The following IL1RAPL1 variants were observed in gnomAD, a reference collection of about 807,000 sequenced individuals.
IL1RAPL1 encodes interleukin-1 receptor accessory protein-like 1.
A neutral mutation model predicts 48.4 loss-of-function variants in IL1RAPL1; 3 were observed. The ratio of observed to expected loss-of-function variants is 0.06; its 90% CI spans 0.03 to 0.16. The LOEUF (loss-of-function observed/expected upper bound fraction) is 0.16, where lower values mean the gene tolerates loss of function less well. Ranked by LOEUF, IL1RAPL1 falls within the 10% of genes least tolerant of loss-of-function variation. The pLI, the probability that IL1RAPL1 is intolerant of heterozygous loss-of-function variation, is 1.00. For missense variants in IL1RAPL1, 349 were observed against 530.6 expected, an observed-to-expected ratio of 0.66 and a Z score of 3.36; for synonymous variants, 185 against 187.7, an observed-to-expected ratio of 0.99 and a Z score of 0.12.
intron 3 of IL1RAPL1, among the ~76,000 whole-genome samples, chrX:29,309,713 T>G (rs941240288): frequency 9.2e-6 from 1 of 109,251 alleles, no homozygotes; most frequent in African/African-American, 3.3e-5. Flanking sequence ...CTCGGGAGGC[T>G]TAGGCAGGAG....
intron 3 of IL1RAPL1, among the ~76,000 whole-genome samples, chrX:29,298,798 A>G (rs1932488314): frequency 9.0e-6 from 1 of 111,693 alleles, no homozygotes; most frequent in Non-Finnish European, 1.9e-5. Flanking sequence ...TGTCAGTGTA[A>G]TTGGAATGTT....
At chrX:29,051,013 A>G (rs1927081299) in intron 2 of IL1RAPL1, among the ~76,000 whole-genome samples, 1 of 112,590 alleles carries the variant, frequency 8.9e-6, no homozygotes, top group African/African-American at 3.2e-5. Context: ...AAATAACACC[A>G]TAGAAAAACA....
intron 5 of IL1RAPL1, among the ~76,000 whole-genome samples, chrX:29,632,313 T>A (rs946378635): frequency 2.7e-5 from 3 of 110,066 alleles, no homozygotes; most frequent in Non-Finnish European, 3.8e-5. Flanking sequence ...CACACCCTGC[T>A]AATTTTTTTG....
At chrX:29,285,765 A>G (rs1335510275) in intron 3 of IL1RAPL1, among the ~76,000 whole-genome samples, 2 of 111,274 alleles carry the variant, frequency 1.8e-5, no homozygotes, top group Non-Finnish European at 3.8e-5. Flanking sequence ...AAATATGCCA[A>G]TCAATTTGAA....
At chrX:29,468,063 G>T (rs1221742758) in intron 5 of IL1RAPL1, among the ~76,000 whole-genome samples, 2 of 111,195 alleles carry the variant, frequency 1.8e-5, no homozygotes, top group Admixed American at 9.6e-5. Context: ...GTTTCACTAT[G>T]TTGCCCAGGC....
intron 2 of IL1RAPL1, among the ~76,000 whole-genome samples, chrX:29,244,564 A>C (rs1931475721): frequency 8.9e-6 from 1 of 112,307 alleles, no homozygotes; most frequent in Admixed American, 9.4e-5. Flanking sequence ...CTGGCATAAC[A>C]TTTCAGAAGT....
At chrX:29,560,977 A>G (rs1922175446) in intron 5 of IL1RAPL1, among the ~76,000 whole-genome samples, 1 of 111,517 alleles carries the variant, frequency 9.0e-6, no homozygotes, top group Non-Finnish European at 1.9e-5. Flanking sequence ...ACAAGGAGTC[A>G]CCTCCTCCTT....
chrX:29,580,159 C>T (rs1430032630), intron 5 of IL1RAPL1, among the ~76,000 whole-genome samples: 4 of 103,982 alleles, frequency 3.8e-5, no homozygotes, highest in Admixed American at 1.0e-4. Flanking sequence ...TTCACTTTGA[C>T]GTGCATTACG....
chrX:29,337,558 T>G (rs1165352847), intron 3 of IL1RAPL1, among the ~76,000 whole-genome samples: 6 of 111,883 alleles, frequency 5.4e-5, no homozygotes, highest in Non-Finnish European at 1.1e-4. Context: ...TCAGTTAACT[T>G]CAATGTCCCC....
At chrX:29,400,038 A>G (rs1371673978) in intron 5 of IL1RAPL1, among the ~76,000 whole-genome samples, 1 of 111,732 alleles carries the variant, frequency 8.9e-6, no homozygotes, top group Non-Finnish European at 1.9e-5. Flanking sequence ...CACTCTATCA[A>G]TCTGACATAC....
At chrX:29,085,453 G>A (rs1005428338) in intron 2 of IL1RAPL1, among the ~76,000 whole-genome samples, 1 of 111,361 alleles carries the variant, frequency 9.0e-6, no homozygotes, top group Non-Finnish European at 1.9e-5. Flanking sequence ...ATATATGAAC[G>A]AGTTAATCCT....
intron 2 of IL1RAPL1, among the ~76,000 whole-genome samples, chrX:29,131,698 A>T (rs919254607): frequency 8.9e-4 from 100 of 111,762 alleles, no homozygotes; most frequent in African/African-American, 3.1e-3. Flanking sequence ...TGGTAAAAAT[A>T]CAAAACCCTG....
intron 5 of IL1RAPL1, among the ~76,000 whole-genome samples, chrX:29,530,212 A>C (rs2147777892): frequency 8.9e-6 from 1 of 111,862 alleles, no homozygotes; most frequent in East Asian, 2.8e-4. Flanking sequence ...AGTAACTGGT[A>C]ACCAGAATTC....
At chrX:29,544,348 G>A (rs1260243732) in intron 5 of IL1RAPL1, among the ~76,000 whole-genome samples, 1 of 112,002 alleles carries the variant, frequency 8.9e-6, no homozygotes, top group African/African-American at 3.2e-5. Flanking sequence ...ATTCGTAAAC[G>A]ATCAAAAGTT....
chrX:29,451,292 T>A (rs184911601), intron 5 of IL1RAPL1, among the ~76,000 whole-genome samples: 8 of 109,535 alleles, frequency 7.3e-5, no homozygotes, highest in African/African-American at 2.7e-4. Flanking sequence ...CTTCCCAGGT[T>A]CAAGCGATTC....
intron 2 of IL1RAPL1, among the ~76,000 whole-genome samples, chrX:28,797,990 G>A (rs1274942445): frequency 8.9e-6 from 1 of 111,732 alleles, no homozygotes; most frequent in Non-Finnish European, 1.9e-5. Flanking sequence ...GGCAAAAAGA[G>A]AGCTTGTGTA....
intron 2 of IL1RAPL1, among the ~76,000 whole-genome samples, chrX:29,022,270 C>A (rs1208132643): frequency 2.0e-4 from 22 of 111,533 alleles, no homozygotes; most frequent in Non-Finnish European, 3.8e-4. Flanking sequence ...CCAATTTTTC[C>A]ATGTATATCC....
At chrX:29,712,557 T>C (rs1191135137) in intron 6 of IL1RAPL1, among the ~76,000 whole-genome samples, 1 of 112,158 alleles carries the variant, frequency 8.9e-6, no homozygotes, top group African/African-American at 3.2e-5. Context: ...TTATATTCTA[T>C]AAAGGCAGAC....
intron 2 of IL1RAPL1, among the ~76,000 whole-genome samples, chrX:28,999,971 G>C (rs1246325060): frequency 1.8e-5 from 2 of 111,438 alleles, no homozygotes; most frequent in Non-Finnish European, 3.8e-5. Context: ...CTCCTCCAGA[G>C]TACCTGTGGA....
Sources: gnomAD v4.1 joint callset for allele counts (sites outside exome capture counted in the v4.1 genomes callset) on GRCh38, gnomAD v4.1.1 for gene constraint, MANE v1.5 for transcripts, NCBI Gene and HGNC (gene_info 2026-07-23, HGNC 2026-07-21) for gene names.